The following CNTNAP2 variants were observed in gnomAD, a reference collection of about 807,000 sequenced individuals.
CNTNAP2 encodes the protein contactin associated protein 2, also known as contactin-associated protein-like 2.
In CNTNAP2, 98 loss-of-function variants were observed where a neutral mutation model predicts 155.2. That is an observed-to-expected ratio of 0.63 (90% CI 0.54 to 0.75). The LOEUF is 0.75. Among genes scored for constraint, CNTNAP2 ranks in the 30% least tolerant of loss-of-function variants. CNTNAP2 has a pLI of 0.00. For synonymous variants in CNTNAP2, 651 were observed against 631.2 expected, an observed-to-expected ratio of 1.03 and a Z score of -0.47; for missense variants, 1,727 against 1,688.1, an observed-to-expected ratio of 1.02 and a Z score of -0.40.
At chr7:147,777,371 GC>G (rs1250462009) in intron 13 of CNTNAP2, among the ~76,000 whole-genome samples, 2 of 152,114 alleles carry the variant, frequency 1.3e-5, no homozygotes, top group Non-Finnish European at 2.9e-5. Flanking sequence ...ATTTAGAATG[GC>G]AAATGTCTGA....
intron 13 of CNTNAP2, among the ~76,000 whole-genome samples, chr7:147,754,920 T>A (rs758493620): frequency 2.0e-5 from 3 of 152,194 alleles, no homozygotes; most frequent in Non-Finnish European, 4.4e-5. Context: ...AATAAAAAGT[T>A]TTTTAAAAAT....
intron 3 of CNTNAP2, among the ~76,000 whole-genome samples, chr7:147,002,903 G>T: frequency 6.8e-6 from 1 of 147,192 alleles, no homozygotes; most frequent in Non-Finnish European, 1.5e-5. Flanking sequence ...AATAAATTTT[G>T]GGGGACACAA....
chr7:147,556,616 G>A (rs1388959412), intron 11 of CNTNAP2, among the ~76,000 whole-genome samples: 1 of 152,144 alleles, frequency 6.6e-6, no homozygotes, highest in Non-Finnish European at 1.5e-5. Context: ...GAAGATGGGG[G>A]ACTGAGATGA....
chr7:148,115,020 C>A (rs1325472671), intron 15 of CNTNAP2, among the ~76,000 whole-genome samples: 5 of 152,192 alleles, frequency 3.3e-5, no homozygotes, highest in Non-Finnish European at 7.3e-5. Context: ...TCACAATTGA[C>A]AACTCCAAGG....
rs183585604 is a variant in CNTNAP2, at chr7:147,240,106, A to G, written c.1349-60035A>G. Among the ~76,000 whole-genome samples the G allele has an allele frequency of 2.7e-3, 407 of 152,274 alleles. 1 individual carries two copies. The highest frequency in any genetic ancestry group is 9.2e-3 in the African/African-American group (381 of 41,548). On this transcript the variant is annotated intron_variant, in intron 8 of 23. Transcript: ENST00000361727. ...CATTTTTTTAATCCATAGAACGAGGACAACCATAGTATTTAGCCTGGCAAC... is the reference window on the plus strand; with the variant it reads ...CATTTTTTTAATCCATAGAACGAGGGCAACCATAGTATTTAGCCTGGCAAC...
At chr7:147,690,033 C>T (rs74540994) in intron 13 of CNTNAP2, among the ~76,000 whole-genome samples, 2,211 of 151,762 alleles carry the variant, frequency 0.015, 62 homozygotes, top group African/African-American at 0.049. Flanking sequence ...AATTCCGCCT[C>T]CAGTCTCCCT....
At chr7:147,224,026 C>T (rs925562880) in intron 8 of CNTNAP2, among the ~76,000 whole-genome samples, 1 of 104,726 alleles carries the variant, frequency 9.5e-6, no homozygotes, top group African/African-American at 4.5e-5. Flanking sequence ...GTTGGGTTGG[C>T]CCAAGGCCAC....
chr7:147,296,221 A>T (rs577042657), intron 8 of CNTNAP2, among the ~76,000 whole-genome samples: 1 of 152,332 alleles, frequency 6.6e-6, no homozygotes, highest in African/African-American at 2.4e-5. Context: ...ATTTCATAGC[A>T]GGGTTTGTCA....
intron 9 of CNTNAP2, among the ~76,000 whole-genome samples, chr7:147,361,451 T>C (rs1231154415): frequency 2.6e-5 from 4 of 152,220 alleles, no homozygotes; most frequent in Admixed American, 2.6e-4. Flanking sequence ...AGGAATGCAA[T>C]CTATACCCTG....
At chr7:146,485,308 G>A (rs1797039176) in intron 1 of CNTNAP2, among the ~76,000 whole-genome samples, 1 of 152,102 alleles carries the variant, frequency 6.6e-6, no homozygotes, top group Non-Finnish European at 1.5e-5. Flanking sequence ...AGGCTGGGAG[G>A]GAGGATGTAA....
At chr7:148,356,580 T>C (rs1798520239) in intron 21 of CNTNAP2, among the ~76,000 whole-genome samples, 2 of 152,244 alleles carry the variant, frequency 1.3e-5, no homozygotes, top group African/African-American at 4.8e-5. Context: ...GCTCCAGAGT[T>C]TGTAGCCTAC....
intron 4 of CNTNAP2, among the ~76,000 whole-genome samples, chr7:147,090,857 T>C (rs1388667315): frequency 2.6e-5 from 4 of 152,204 alleles, no homozygotes; most frequent in Admixed American, 1.3e-4. Context: ...TGTCTGTGGA[T>C]TTTATGTTTT....
chr7:146,767,385 ATGT>A (rs148168638), intron 1 of CNTNAP2, among the ~76,000 whole-genome samples: 3,470 of 152,256 alleles, frequency 0.023, 129 homozygotes, highest in African/African-American at 0.08. Context: ...CAGATTGTAA[ATGT>A]TTTTTGTTTG....
At chr7:147,263,259 G>T (rs1404040233) in intron 8 of CNTNAP2, among the ~76,000 whole-genome samples, 1 of 152,060 alleles carries the variant, frequency 6.6e-6, no homozygotes, top group Non-Finnish European at 1.5e-5. Flanking sequence ...TACCCTGAAG[G>T]CTGAAGTGGG....
chr7:147,754,970 T>C lies in CNTNAP2; in HGVS notation c.2098+115664T>C, dbSNP rs569501329. Among the ~76,000 whole-genome samples, 9 of 152,304 alleles carry C rather than the reference T, an allele frequency of 5.9e-5. No homozygotes were observed. The South Asian group carries it at 1.9e-3, about 32-fold the overall frequency. ...GGCATAAACACAGAGAGACAGACAA[T>C]AGAAGGTAATAAATTAACGTCAATT... On this transcript the variant is annotated intron_variant, in intron 13 of 23. Coordinates refer to ENST00000361727, the MANE Select transcript of CNTNAP2 (RefSeq NM_014141.6).
At chr7:147,238,267 G>C (rs1374476959) in intron 8 of CNTNAP2, among the ~76,000 whole-genome samples, 1 of 152,000 alleles carries the variant, frequency 6.6e-6, no homozygotes. Flanking sequence ...CGCCCACCTC[G>C]GCCTCCCAAA....
At chr7:146,229,729 T>A (rs802545) in intron 1 of CNTNAP2, among the ~76,000 whole-genome samples, 104,254 of 151,512 alleles carry the variant, frequency 0.69, 37,022 homozygotes, top group East Asian at 0.94. Flanking sequence ...TTTGTTTTTT[T>A]TTTCTTATTA....
intron 21 of CNTNAP2, among the ~76,000 whole-genome samples, chr7:148,316,577 T>C (rs1236094416): frequency 6.6e-6 from 1 of 152,218 alleles, no homozygotes; most frequent in Non-Finnish European, 1.5e-5. Context: ...TTTACACCTA[T>C]TTTATGCAAA....
At chr7:147,974,579 C>G (rs371012720) in intron 14 of CNTNAP2, among the ~76,000 whole-genome samples, 1 of 152,038 alleles carries the variant, frequency 6.6e-6, no homozygotes, top group African/African-American at 2.4e-5. Context: ...GAGTCGAGAT[C>G]GTGCCATTGC....
Sources: allele counts gnomAD v4.1 joint callset (sites outside exome capture counted in the v4.1 genomes callset), GRCh38; gene constraint gnomAD v4.1.1; transcripts MANE v1.5; gene names NCBI Gene and HGNC (gene_info 2026-07-23, HGNC 2026-07-21).